Variants in CALN1 observed in about 807,000 individuals in gnomAD.
CALN1 encodes calneuron 1, also known as calcium-binding protein 8.
Under a neutral mutation model 30.6 loss-of-function variants are expected in CALN1, and 17 were observed. The observed-to-expected ratio is 0.56, with a 90% CI of 0.38 to 0.83. CALN1 has a LOEUF of 0.83. CALN1 is among the 40% of genes least tolerant of loss of function. The pLI is 0.00. For missense variants in CALN1, 291 were observed against 354.9 expected, an observed-to-expected ratio of 0.82 and a Z score of 1.45; for synonymous variants, 156 against 131.4, an observed-to-expected ratio of 1.19 and a Z score of -1.28.
rs1261787800 is a variant in CALN1, at chr7:71,786,258, G to C, written c.*1517C>G. On this transcript the variant is annotated 3_prime_UTR_variant, in exon 7 of 7. Coordinates refer to ENST00000395275, the MANE Select transcript of CALN1 (RefSeq NM_031468.4). ...GCTTCTGGTGGCTCGCTACTGGAAG[G>C]GGGGAAGCATGTAGTTTTAGGATGT... 2 of 152,196 alleles carry C rather than the reference G, an allele frequency of 1.3e-5. No individual in the cohort carries two copies. The highest frequency in any genetic ancestry group is 2.1e-4 in the South Asian group (1 of 4,818). The allele number at this position is 152,196 out of a possible 1,614,324, so 9.4% of individuals were successfully genotyped here. A position where few individuals can be genotyped will look rare whatever the true frequency, so the allele number is the denominator to read the frequency against.
At chr7:72,075,843 G>T (rs1162910958) in intron 4 of CALN1, among the ~76,000 whole-genome samples, 1 of 152,168 alleles carries the variant, frequency 6.6e-6, no homozygotes, top group African/African-American at 2.4e-5. Flanking sequence ...CTGGGTGTCA[G>T]GGGAAGCTAA....
At chr7:72,210,456 T>C (rs1792311755) in intron 3 of CALN1, among the ~76,000 whole-genome samples, 1 of 152,082 alleles carries the variant, frequency 6.6e-6, no homozygotes, top group African/African-American at 2.4e-5. Context: ...TTCATACTGC[T>C]ACAAAGAACT....
At chr7:72,141,887 A>T (rs1172373300) in intron 3 of CALN1, among the ~76,000 whole-genome samples, 1 of 152,150 alleles carries the variant, frequency 6.6e-6, no homozygotes, top group Non-Finnish European at 1.5e-5. Flanking sequence ...CACTTTCTAC[A>T]GATGGGCCCT....
chr7:72,195,527 T>G (rs1400862683), intron 3 of CALN1, among the ~76,000 whole-genome samples: 1 of 152,134 alleles, frequency 6.6e-6, no homozygotes, highest in Non-Finnish European at 1.5e-5. Context: ...AGGCAGGTAC[T>G]AACATTCCTG....
chr7:72,376,753 TTC>T (rs1159172810), intron 2 of CALN1, among the ~76,000 whole-genome samples: 1 of 152,230 alleles, frequency 6.6e-6, no homozygotes, highest in East Asian at 1.9e-4. Context: ...TGCTTGGACT[TTC>T]TGATTCACAT....
In CALN1 at chr7:72,206,613, ATTTCT is replaced by A. The variant is rs1172402598; in HGVS notation, c.244+72068_244+72072del. On this transcript the variant is annotated intron_variant, in intron 3 of 6. Transcript: ENST00000395275. Reference sequence around the variant, plus strand: ...CTTTATTGTGTTTATTCTTTTATTTATTTCTTTTCTTGTTTCATTGCCTAAAATCC... The same window carrying A: ...CTTTATTGTGTTTATTCTTTTATTTATTTCTTGTTTCATTGCCTAAAATCC... 3.3e-5 allele frequency among the ~76,000 whole-genome samples: 5 copies of A among 151,472 alleles called. No homozygotes were observed. In the East Asian group the frequency reaches 9.7e-4, roughly 29 times the overall value.
At chr7:72,109,501 G>A (rs1807409673) in intron 3 of CALN1, among the ~76,000 whole-genome samples, 2 of 152,156 alleles carry the variant, frequency 1.3e-5, no homozygotes, top group Admixed American at 6.5e-5. Flanking sequence ...TCCATCAATG[G>A]TATAGAAACA....
At chr7:72,467,756 G>T in the CALN1 span, among the ~76,000 whole-genome samples, 5 of 152,058 alleles carry the variant, frequency 3.3e-5, no homozygotes, top group South Asian at 2.1e-4. Flanking sequence ...AAATTCACAT[G>T]ATGAAATTGA....
At chr7:72,429,825 A>G (rs7779681) in intron 1 of CALN1, among the ~76,000 whole-genome samples, 5 of 150,376 alleles carry the variant, frequency 3.3e-5, no homozygotes, top group Non-Finnish European at 5.9e-5. Context: ...GTGTGTGTCT[A>G]TATATATATT....
At chr7:72,168,205 C>T (rs560161976) in intron 3 of CALN1, among the ~76,000 whole-genome samples, 2 of 147,854 alleles carry the variant, frequency 1.4e-5, no homozygotes, top group Non-Finnish European at 3.0e-5. Context: ...TACATTTTCT[C>T]AACACATACT....
chr7:71,804,263 C>T (rs902743619), intron 6 of CALN1, among the ~76,000 whole-genome samples: 11 of 152,100 alleles, frequency 7.2e-5, no homozygotes, highest in Admixed American at 2.6e-4. Context: ...AATCTCAGTC[C>T]TTTGGGAGGC....
intron 4 of CALN1, among the ~76,000 whole-genome samples, chr7:72,070,572 G>A (rs1032092569): frequency 1.3e-5 from 2 of 152,026 alleles, no homozygotes; most frequent in South Asian, 2.1e-4. Flanking sequence ...CTCCCACTTC[G>A]TTCTTCTTCA....
At position 71,781,641 on chromosome 7, in the gene CALN1, T is replaced by C. The variant is rs1348566892; in HGVS notation, c.*6134A>G. On this transcript the variant is annotated 3_prime_UTR_variant, in exon 7 of 7. Transcript: ENST00000395275. ...TTGCATTCCCTGGAATATTCCTTCC[T>C]AATTAGCCTGCTCTTCTATCCCACT... The C allele has an allele frequency of 6.6e-6, 1 of 152,246 alleles. No individual in the cohort carries two copies. Among genetic ancestry groups the C allele is most frequent in the Non-Finnish European group, 1.5e-5 (1 of 68,052 alleles). The allele number at this position is 152,246 out of a possible 1,614,324, so 9.4% of individuals were successfully genotyped here.
chr7:71,800,803 G>A (rs778746841), intron 6 of CALN1, among the ~76,000 whole-genome samples: 1 of 151,790 alleles, frequency 6.6e-6, no homozygotes, highest in East Asian at 1.9e-4. Context: ...TTTTGACTCA[G>A]CAATTAAAAA....
intron 3 of CALN1, among the ~76,000 whole-genome samples, chr7:72,214,625 G>GA (rs1003518152): frequency 2.6e-4 from 40 of 150,948 alleles, no homozygotes; most frequent in Non-Finnish European, 4.0e-4. Flanking sequence ...CTCAAGAAAA[G>GA]AAAAAAAAAT....
the CALN1 span, among the ~76,000 whole-genome samples, chr7:72,503,220 G>A: frequency 2.0e-5 from 3 of 152,106 alleles, no homozygotes; most frequent in Non-Finnish European, 4.4e-5. Flanking sequence ...ATGGGGGCAG[G>A]GGCTGGGACG....
At chr7:72,078,530 C>T (rs1489522300) in intron 4 of CALN1, among the ~76,000 whole-genome samples, 1 of 152,162 alleles carries the variant, frequency 6.6e-6, no homozygotes, top group Non-Finnish European at 1.5e-5. Flanking sequence ...GCAACAGTAA[C>T]TGATACTGGA....
chr7:71,790,417 AAAGAAAG>A (rs1384161747), intron 6 of CALN1, among the ~76,000 whole-genome samples: 4 of 150,920 alleles, frequency 2.7e-5, no homozygotes, highest in Non-Finnish European at 4.4e-5. Flanking sequence ...AGAAAGAAAG[AAAGAAAG>A]AAGCAAGCAA....
At chr7:72,194,233 C>A (rs1031252832) in intron 3 of CALN1, among the ~76,000 whole-genome samples, 3 of 152,210 alleles carry the variant, frequency 2.0e-5, no homozygotes, top group Non-Finnish European at 4.4e-5. Flanking sequence ...ATGCCATTAA[C>A]CAAGGCTAAA....
Sources: allele counts gnomAD v4.1 joint callset (sites outside exome capture counted in the v4.1 genomes callset), GRCh38; gene constraint gnomAD v4.1.1; transcripts MANE v1.5; gene names NCBI Gene and HGNC (gene_info 2026-07-23, HGNC 2026-07-21).